Variants in RAB38 observed in about 807,000 individuals in gnomAD.
RAB38 encodes the protein RAB38, member RAS oncogene family.
Under a neutral mutation model 18.4 loss-of-function variants are expected in RAB38, and 15 were observed. That is an observed-to-expected ratio of 0.82 (90% CI 0.55 to 1.26). The LOEUF (loss-of-function observed/expected upper bound fraction) is 1.26. RAB38 is among the 50% of genes most tolerant of loss of function. The pLI is 0.00. For synonymous variants in RAB38, 101 were observed against 104.4 expected (o/e 0.97, Z 0.20); for missense variants, 294 against 267.4 (o/e 1.10, Z -0.69).
chr11:87,954,046 TGGAATGCTGTTGATCCTA>T, the RAB38 span, among the ~76,000 whole-genome samples: 1 of 152,020 alleles, frequency 6.6e-6, no homozygotes, highest in Non-Finnish European at 1.5e-5. Flanking sequence ...AAGTGTGCTG[TGGAATGCTGTTGATCCTA>T]GATGAGGGTG....
the RAB38 span, among the ~76,000 whole-genome samples, chr11:88,088,453 T>C: frequency 1.3e-5 from 2 of 151,898 alleles, no homozygotes; most frequent in African/African-American, 4.8e-5. Flanking sequence ...GGCCATTTTA[T>C]TTTGGTTGTA....
the RAB38 span, among the ~76,000 whole-genome samples, chr11:87,889,477 AATT>A: frequency 2.0e-5 from 3 of 152,076 alleles, no homozygotes; most frequent in South Asian, 2.1e-4. Flanking sequence ...ATGCAGTAAT[AATT>A]ATTATAGTTA....
chr11:87,908,169 A>G, the RAB38 span, among the ~76,000 whole-genome samples: 1 of 151,962 alleles, frequency 6.6e-6, no homozygotes, highest in Non-Finnish European at 1.5e-5. Context: ...AGAGAGAATG[A>G]AATCTGTGTG....
the RAB38 span, among the ~76,000 whole-genome samples, chr11:87,951,970 T>C: frequency 6.6e-6 from 1 of 152,112 alleles, no homozygotes; most frequent in Non-Finnish European, 1.5e-5. Context: ...TTGCTCACGC[T>C]GGGAGCTGTA....
At chr11:87,833,191 C>T in the RAB38 span, among the ~76,000 whole-genome samples, 1 of 152,194 alleles carries the variant, frequency 6.6e-6, no homozygotes, top group African/African-American at 2.4e-5. Context: ...CCAAGTTCCT[C>T]ATTCTGACCA....
the RAB38 span, among the ~76,000 whole-genome samples, chr11:88,107,466 CTTG>C: frequency 2.3e-3 from 342 of 151,946 alleles, 1 homozygote; most frequent in African/African-American, 8.1e-3. Context: ...GTATTGATTA[CTTG>C]TTATGTTTTA....
chr11:87,923,856 G>A, the RAB38 span, among the ~76,000 whole-genome samples: 1 of 151,254 alleles, frequency 6.6e-6, no homozygotes, highest in African/African-American at 2.4e-5. Context: ...AGGAATCATC[G>A]ACCCAGAGAG....
At chr11:87,834,381 T>C in the RAB38 span, among the ~76,000 whole-genome samples, 1 of 152,182 alleles carries the variant, frequency 6.6e-6, no homozygotes, top group African/African-American at 2.4e-5. Flanking sequence ...CAGAGTCGTG[T>C]TGTATCCGGA....
the RAB38 span, among the ~76,000 whole-genome samples, chr11:87,804,599 A>T: frequency 6.6e-6 from 1 of 152,034 alleles, no homozygotes; most frequent in East Asian, 1.9e-4. Context: ...TATTGTGCAT[A>T]ACCTCACCAG....
At chr11:87,942,759 C>T in the RAB38 span, among the ~76,000 whole-genome samples, 34 of 152,278 alleles carry the variant, frequency 2.2e-4, no homozygotes, top group African/African-American at 8.2e-4. Context: ...AGGACGAACC[C>T]TGGGCACACC....
chr11:87,969,009 A>G, the RAB38 span, among the ~76,000 whole-genome samples: 1 of 152,150 alleles, frequency 6.6e-6, no homozygotes, highest in African/African-American at 2.4e-5. Flanking sequence ...TATGCAGTAT[A>G]TCCTGTGTAC....
the RAB38 span, among the ~76,000 whole-genome samples, chr11:88,059,548 C>G: frequency 1.1e-4 from 17 of 152,352 alleles, no homozygotes; most frequent in African/African-American, 4.1e-4. Context: ...GAGGAAACTA[C>G]TTTGGCTTCT....
chr11:88,137,692 A>C (rs1942853736), intron 2 of RAB38, among the ~76,000 whole-genome samples: 1 of 152,226 alleles, frequency 6.6e-6, no homozygotes. Context: ...GTAAGTTGAA[A>C]GAGCTTACAA....
At chr11:88,067,353 A>G in the RAB38 span, among the ~76,000 whole-genome samples, 1 of 19,458 alleles carries the variant, frequency 5.1e-5, no homozygotes, top group Non-Finnish European at 8.8e-5. Flanking sequence ...TAGCAAATGA[A>G]AAAAAAAAAA....
the RAB38 span, among the ~76,000 whole-genome samples, chr11:87,964,854 T>A: frequency 6.6e-6 from 1 of 152,108 alleles, no homozygotes; most frequent in Admixed American, 6.6e-5. Context: ...AAATTACTTA[T>A]TTCACTAAAA....
the RAB38 span, among the ~76,000 whole-genome samples, chr11:87,864,061 C>G: frequency 5.3e-4 from 81 of 151,702 alleles, no homozygotes; most frequent in Middle Eastern, 0.02. Flanking sequence ...TTCCCACATG[C>G]CACAATACAT....
the RAB38 span, among the ~76,000 whole-genome samples, chr11:88,021,472 A>C: frequency 4.8e-3 from 729 of 152,178 alleles, 6 homozygotes; most frequent in African/African-American, 0.016. Flanking sequence ...AAAGCCCAGG[A>C]CCCATTGGCT....
the RAB38 span, among the ~76,000 whole-genome samples, chr11:88,062,520 T>G: frequency 9.8e-5 from 15 of 152,324 alleles, no homozygotes; most frequent in Non-Finnish European, 2.2e-4. Context: ...CTTTTCCACT[T>G]TCTAATTATT....
chr11:87,956,873 C>A, the RAB38 span, among the ~76,000 whole-genome samples: 1 of 151,912 alleles, frequency 6.6e-6, no homozygotes, highest in African/African-American at 2.4e-5. Context: ...TGGGTTCCCT[C>A]CCCCCACCTT....
Sources: gnomAD v4.1 joint callset for allele counts (sites outside exome capture counted in the v4.1 genomes callset) on GRCh38, gnomAD v4.1.1 for gene constraint, MANE v1.5 for transcripts, NCBI Gene and HGNC (gene_info 2026-07-23, HGNC 2026-07-21) for gene names.